The following TBC1D22A variants were observed in gnomAD, a reference collection of about 807,000 sequenced individuals.
TBC1D22A encodes TBC1 domain family member 22A.
In TBC1D22A, 38 loss-of-function variants were observed where a neutral mutation model predicts 60.2. That is an observed-to-expected ratio of 0.63 (90% confidence interval 0.49 to 0.83). TBC1D22A has a LOEUF of 0.83. Ranked by LOEUF, TBC1D22A falls within the 40% of genes least tolerant of loss-of-function variation. The pLI is 0.00. For missense variants in TBC1D22A, 628 were observed against 701.0 expected (o/e 0.90, Z 1.18); for synonymous variants, 302 against 281.7 (o/e 1.07, Z -0.72).
chr22:47,171,752 G>A (rs575835153), intron 12 of TBC1D22A, among the ~76,000 whole-genome samples: 87 of 152,308 alleles, frequency 5.7e-4, no homozygotes, highest in African/African-American at 1.7e-3. Flanking sequence ...GGTGGTCGTG[G>A]GGGGTCCCCC....
chr22:46,797,922 A>G (rs2084728860), intron 4 of TBC1D22A, among the ~76,000 whole-genome samples: 1 of 152,098 alleles, frequency 6.6e-6, no homozygotes, highest in East Asian at 1.9e-4. Flanking sequence ...GCCTGGCTGG[A>G]GTGCAGTGGT....
chr22:47,171,817 C>T (rs1329871021), intron 12 of TBC1D22A, among the ~76,000 whole-genome samples: 1 of 152,210 alleles, frequency 6.6e-6, no homozygotes, highest in African/African-American at 2.4e-5. Context: ...AGGTCAGTCT[C>T]CATCTCCTCA....
chr22:46,822,437 T>C (rs1380808237), intron 4 of TBC1D22A, among the ~76,000 whole-genome samples: 2 of 152,164 alleles, frequency 1.3e-5, no homozygotes. Flanking sequence ...GGGGGACTTT[T>C]TGTTGTTGAT....
chr22:46,848,888 G>GTT (rs79068503), intron 4 of TBC1D22A, among the ~76,000 whole-genome samples: 1 of 146,562 alleles, frequency 6.8e-6, no homozygotes, highest in African/African-American at 2.5e-5. Context: ...TCACCATGCA[G>GTT]TTTTTTTTTT....
chr22:47,149,971 G>C (rs1054629111), intron 12 of TBC1D22A, among the ~76,000 whole-genome samples: 1 of 152,062 alleles, frequency 6.6e-6, no homozygotes, highest in East Asian at 1.9e-4. Context: ...TCCCATAGCA[G>C]AAACCCCACA....
At chr22:47,052,314 C>T (rs1052138413) in intron 11 of TBC1D22A, among the ~76,000 whole-genome samples, 8 of 152,224 alleles carry the variant, frequency 5.3e-5, no homozygotes, top group African/African-American at 1.4e-4. Flanking sequence ...ATCGGCCATG[C>T]GGCCTGTGTG....
At chr22:47,078,468 C>T (rs2064320388) in intron 11 of TBC1D22A, among the ~76,000 whole-genome samples, 1 of 152,222 alleles carries the variant, frequency 6.6e-6, no homozygotes, top group African/African-American at 2.4e-5. Flanking sequence ...CCCCCCGCTC[C>T]CTTACCTGTA....
intron 11 of TBC1D22A, among the ~76,000 whole-genome samples, chr22:47,108,192 A>G (rs1256178290): frequency 1.3e-5 from 2 of 152,212 alleles, no homozygotes; most frequent in Admixed American, 6.5e-5. Context: ...CAGCTGTTCT[A>G]TTCCTAAGTA....
intron 12 of TBC1D22A, among the ~76,000 whole-genome samples, chr22:47,146,787 G>C (rs985745361): frequency 5.3e-5 from 8 of 152,234 alleles, no homozygotes; most frequent in African/African-American, 1.9e-4. Context: ...CGCCAGGGCT[G>C]GGGGATCTTC....
chr22:46,932,009 T>C (rs1488789129), intron 8 of TBC1D22A, among the ~76,000 whole-genome samples: 1 of 152,244 alleles, frequency 6.6e-6, no homozygotes, highest in Non-Finnish European at 1.5e-5. Context: ...TGCTCACAGA[T>C]TGATTCATTG....
In TBC1D22A at chr22:46,990,214, G is replaced by T. The variant is rs1364068239; in HGVS notation, c.1126-7420G>T. Reference sequence around the variant, plus strand: ...GACCACATATATATTCATCTAATCTGTCCAACCTAATTATTTATACGGTTG... The same window carrying T: ...GACCACATATATATTCATCTAATCTTTCCAACCTAATTATTTATACGGTTG... On this transcript the variant is annotated intron_variant, in intron 9 of 12. Transcript: ENST00000337137. The surrounding 1 kb of genome is among the most constrained non-coding windows in gnomAD (Gnocchi z 4.6). 6.6e-6 allele frequency among the ~76,000 whole-genome samples: 1 copy of T among 152,182 alleles called. No homozygotes were observed. Among genetic ancestry groups the T allele is most frequent in the African/African-American group, 2.4e-5 (1 of 41,442 alleles).
rs78370620 is a variant in TBC1D22A at position 47,054,720 on chromosome 22, G to A, written c.1329+17522G>A. On this transcript the variant is annotated intron_variant, in intron 11 of 12. Coordinates refer to ENST00000337137, the MANE Select transcript of TBC1D22A (RefSeq NM_014346.5). Reference sequence around the variant, plus strand: ...TCAAGTAGCAGGGCCGGTGGTGGGCGCCTGGGAGGTGGCCAGTGAGGGCTG... The same window carrying A: ...TCAAGTAGCAGGGCCGGTGGTGGGCACCTGGGAGGTGGCCAGTGAGGGCTG... 9.4e-3 allele frequency among the ~76,000 whole-genome samples: 1,437 copies of A among 152,304 alleles called. 11 individuals are homozygous for A. The highest frequency in any genetic ancestry group is 0.014 in the Non-Finnish European group (965 of 68,024).
At chr22:47,054,331 T>C (rs182887258) in intron 11 of TBC1D22A, among the ~76,000 whole-genome samples, 2 of 152,308 alleles carry the variant, frequency 1.3e-5, no homozygotes, top group African/African-American at 2.4e-5. Context: ...GTGGAGACGA[T>C]GAGCAGCCAT....
At chr22:46,933,714 G>T (rs2071486296) in intron 8 of TBC1D22A, among the ~76,000 whole-genome samples, 1 of 152,266 alleles carries the variant, frequency 6.6e-6, no homozygotes, top group Non-Finnish European at 1.5e-5. Flanking sequence ...ACTGCCCGGG[G>T]CGGGTGTTGA....
At chr22:46,896,573 C>G (rs1453483880) in intron 7 of TBC1D22A, among the ~76,000 whole-genome samples, 1 of 152,160 alleles carries the variant, frequency 6.6e-6, no homozygotes, top group Non-Finnish European at 1.5e-5. Flanking sequence ...AGTCCCCATA[C>G]TGTTTCTGGG....
At chr22:46,860,708 C>G (rs1232070956) in intron 4 of TBC1D22A, among the ~76,000 whole-genome samples, 1 of 152,250 alleles carries the variant, frequency 6.6e-6, no homozygotes, top group African/African-American at 2.4e-5. Flanking sequence ...TCTGGCGTGG[C>G]CAGCGTCTTC....
At chr22:46,845,587 G>T (rs559484227) in intron 4 of TBC1D22A, among the ~76,000 whole-genome samples, 7 of 152,274 alleles carry the variant, frequency 4.6e-5, no homozygotes, top group Admixed American at 4.6e-4. Context: ...ATCATTCAAG[G>T]AATTTATGTT....
intron 8 of TBC1D22A, among the ~76,000 whole-genome samples, chr22:46,942,286 A>T (rs1248008339): frequency 6.6e-6 from 1 of 151,994 alleles, no homozygotes; most frequent in Non-Finnish European, 1.5e-5. Context: ...TCTGAGCAGT[A>T]AATAGGAAAA....
intron 4 of TBC1D22A, among the ~76,000 whole-genome samples, chr22:46,877,880 A>G (rs979012105): frequency 4.6e-5 from 7 of 152,192 alleles, no homozygotes; most frequent in African/African-American, 1.4e-4. Context: ...GAGACACTCA[A>G]GGAGACTCGG....
Sources: allele counts gnomAD v4.1 joint callset (sites outside exome capture counted in the v4.1 genomes callset), GRCh38; gene constraint gnomAD v4.1.1; non-coding constraint Gnocchi (gnomAD v3.1); transcripts MANE v1.5; gene names NCBI Gene and HGNC (gene_info 2026-07-23, HGNC 2026-07-21).